CELF4: variants seen among roughly 807,000 people sequenced by gnomAD.
The protein encoded by CELF4 is CUGBP Elav-like family member 4, also known as CUG-BP- and ETR-3-like factor 4.
In CELF4, 18 loss-of-function variants were observed where a neutral mutation model predicts 59.9. The ratio of observed to expected loss-of-function variants is 0.30; its 90% CI spans 0.21 to 0.45. The LOEUF is 0.45. Ranked by LOEUF, CELF4 falls within the 20% of genes least tolerant of loss-of-function variation. The pLI, the probability that CELF4 is intolerant of heterozygous loss-of-function variation, is 1.00. For missense variants in CELF4, 456 were observed against 689.0 expected (o/e 0.66, Z 3.79); for synonymous variants, 261 against 267.1 (o/e 0.98, Z 0.22).
At chr18:37,473,426 C>T (rs980847725) in intron 2 of CELF4, 1 of 152,148 alleles carries the variant, frequency 6.6e-6, no homozygotes, top group African/African-American at 2.4e-5. Flanking sequence ...TTTGATTCTT[C>T]AATATTTAAG....
intron 2 of CELF4, among the ~76,000 whole-genome samples, chr18:37,423,381 G>T (rs2099592310): frequency 6.6e-6 from 1 of 152,180 alleles, no homozygotes; most frequent in Admixed American, 6.5e-5. Flanking sequence ...CACATGGAAA[G>T]GAGTCCTTGT....
intron 2 of CELF4, among the ~76,000 whole-genome samples, chr18:37,333,397 C>G (rs2097632568): frequency 6.6e-6 from 1 of 151,696 alleles, no homozygotes; most frequent in African/African-American, 2.4e-5. Context: ...TCCCCTCTTC[C>G]TATTTCTCCT....
intron 1 of CELF4, among the ~76,000 whole-genome samples, chr18:37,506,948 G>A (rs989096782): frequency 1.3e-5 from 2 of 152,182 alleles, no homozygotes; most frequent in Admixed American, 1.3e-4. Flanking sequence ...TGGGCCAGAT[G>A]AAAAGGAGTG....
At chr18:37,558,038 G>A (rs943091091) in intron 1 of CELF4, among the ~76,000 whole-genome samples, 1 of 110,888 alleles carries the variant, frequency 9.0e-6, no homozygotes, top group Non-Finnish European at 1.7e-5. Context: ...GTCTCACTCT[G>A]TTGCTCAGGC....
chr18:37,389,788 A>G (rs1395549876), intron 2 of CELF4, among the ~76,000 whole-genome samples: 1 of 152,118 alleles, frequency 6.6e-6, no homozygotes, highest in Admixed American at 6.5e-5. Flanking sequence ...GTATACCGCA[A>G]AATGCTGCCC....
chr18:37,467,101 C>G (rs926230556), intron 2 of CELF4, among the ~76,000 whole-genome samples: 13 of 152,096 alleles, frequency 8.5e-5, no homozygotes, highest in Non-Finnish European at 1.9e-4. Context: ...CAGACCCCCA[C>G]CTGATCCCAT....
chr18:37,245,523 G>T lies in CELF4; in HGVS notation c.*45-326C>A, dbSNP rs1253450520. 6.6e-6 allele frequency among the ~76,000 whole-genome samples: 1 copy of T among 151,958 alleles called. No individual in the cohort carries two copies. On this transcript the variant is annotated intron_variant, in intron 12 of 12. Coordinates refer to ENST00000420428, the MANE Select transcript of CELF4 (RefSeq NM_020180.4). The surrounding 1 kb of genome is among the most constrained non-coding windows in gnomAD (Gnocchi z 4.1). The stretch of plus-strand genomic sequence containing the variant: ...TCTAAGGGGAGAATTTGGGACTGCG[G>T]GATATGAATTCATAATTAAACTTGT...
chr18:37,465,639 C>T (rs1378607413), intron 2 of CELF4, among the ~76,000 whole-genome samples: 1 of 152,130 alleles, frequency 6.6e-6, no homozygotes, highest in African/African-American at 2.4e-5. Flanking sequence ...TGGGTACCAT[C>T]AGAGGAGTCT....
intron 2 of CELF4, among the ~76,000 whole-genome samples, chr18:37,324,460 C>T (rs942820257): frequency 2.6e-5 from 4 of 152,180 alleles, no homozygotes; most frequent in African/African-American, 7.2e-5. Flanking sequence ...GGAAGAGAGC[C>T]CTCACCAGAA....
intron 1 of CELF4, among the ~76,000 whole-genome samples, chr18:37,489,140 C>A (rs1393131504): frequency 6.6e-6 from 1 of 152,386 alleles, no homozygotes; most frequent in East Asian, 1.9e-4. Flanking sequence ...GGGGCAGTCC[C>A]ACCCCGGGCC....
chr18:37,484,730 A>G (rs1283146244), intron 2 of CELF4, among the ~76,000 whole-genome samples: 1 of 152,254 alleles, frequency 6.6e-6, no homozygotes, highest in Non-Finnish European at 1.5e-5. Context: ...GAATGTAAAC[A>G]TGCATGTGTA....
chr18:37,499,054 C>T (rs2099928477), intron 1 of CELF4, among the ~76,000 whole-genome samples: 2 of 152,196 alleles, frequency 1.3e-5, no homozygotes, highest in South Asian at 2.1e-4. Flanking sequence ...TGTCTGCTTC[C>T]TTTTGTAGGA....
At chr18:37,532,174 T>A (rs570575671) in intron 1 of CELF4, among the ~76,000 whole-genome samples, 29 of 152,322 alleles carry the variant, frequency 1.9e-4, no homozygotes, top group African/African-American at 6.5e-4. Context: ...CTTCTGCTGA[T>A]CTTTGCATTT....
At chr18:37,384,548 T>C (rs2099078670) in intron 2 of CELF4, among the ~76,000 whole-genome samples, 1 of 151,566 alleles carries the variant, frequency 6.6e-6, no homozygotes. Flanking sequence ...GAATGTAATG[T>C]AGACACAGGC....
At chr18:37,528,764 C>A (rs2154604968) in intron 1 of CELF4, among the ~76,000 whole-genome samples, 1 of 152,234 alleles carries the variant, frequency 6.6e-6, no homozygotes, top group African/African-American at 2.4e-5. Flanking sequence ...GTGTTACTGA[C>A]TGCATGTATT....
chr18:37,414,484 A>AT (rs367611596), intron 2 of CELF4, among the ~76,000 whole-genome samples: 1 of 124,250 alleles, frequency 8.0e-6, no homozygotes, highest in Non-Finnish European at 1.7e-5. Flanking sequence ...CCATCTACTC[A>AT]TTTTTTTTCT....
chr18:37,372,349 G>T (rs932697666), intron 2 of CELF4, among the ~76,000 whole-genome samples: 11 of 152,166 alleles, frequency 7.2e-5, no homozygotes, highest in African/African-American at 2.7e-4. Flanking sequence ...GATGAAGCTG[G>T]AAACCATCAT....
chr18:37,565,387 A>C lies in CELF4; in HGVS notation c.255T>G (p.Val85=), dbSNP rs758952459. 2.5e-6 allele frequency: 4 copies of C among 1,600,680 alleles called. No individual in the cohort carries two copies. Among genetic ancestry groups the C allele is most frequent in the East Asian group, 2.2e-5 (1 of 44,636 alleles). ...GCATGCCTGTGAACCTGTCCTTCAG[A>C]ACCGTAAGCTCGTAGATTTTGCCAA... ...EEFGKIYELT[V]LKDRFTGMHK... The change falls in exon 1 of 13, where the codon GTT becomes GTG. Residue 85 remains valine (V), a synonymous_variant. Coordinates refer to ENST00000420428, the MANE Select transcript of CELF4 (RefSeq NM_020180.4).
chr18:37,548,986 G>A (rs1325647439), intron 1 of CELF4, among the ~76,000 whole-genome samples: 10 of 152,158 alleles, frequency 6.6e-5, no homozygotes, highest in Admixed American at 6.5e-4. Context: ...CCAGTCACAT[G>A]CGGACCGTCC....
Sources: gnomAD v4.1 joint callset for allele counts (sites outside exome capture counted in the v4.1 genomes callset) on GRCh38, gnomAD v4.1.1 for gene constraint, Gnocchi (gnomAD v3.1) non-coding constraint, MANE v1.5 for transcripts, NCBI Gene and HGNC (gene_info 2026-07-23, HGNC 2026-07-21) for gene names.